Variants in DNER observed in about 807,000 individuals in gnomAD.
DNER encodes the protein delta/notch like EGF repeat containing.
Under a neutral mutation model 78.2 loss-of-function variants are expected in DNER, and 33 were observed. The observed-to-expected ratio is 0.42, with a 90% CI of 0.32 to 0.56. The LOEUF is 0.56. Among genes scored for constraint, DNER ranks in the 20% least tolerant of loss-of-function variants. The probability of loss-of-function intolerance (pLI) is 0.11; values close to 1 mark genes in which losing one functional copy is unlikely to be tolerated. For synonymous variants in DNER, 417 were observed against 384.8 expected (o/e 1.08, Z -0.98); for missense variants, 918 against 975.3 (o/e 0.94, Z 0.78).
chr2:229,471,353 A>T (rs1694921667), intron 7 of DNER, among the ~76,000 whole-genome samples: 1 of 16,162 alleles, frequency 6.2e-5, no homozygotes, highest in Admixed American at 1.0e-3. Flanking sequence ...AGGCTATAAA[A>T]TGAAAAAAAA....
intron 6 of DNER, among the ~76,000 whole-genome samples, chr2:229,492,356 G>T (rs1695418885): frequency 6.6e-6 from 1 of 152,064 alleles, no homozygotes; most frequent in African/African-American, 2.4e-5. Flanking sequence ...AGCCCCAAGG[G>T]GTGCAATGTC....
intron 6 of DNER, among the ~76,000 whole-genome samples, chr2:229,495,639 A>G (rs567949409): frequency 6.6e-6 from 1 of 152,316 alleles, no homozygotes; most frequent in Non-Finnish European, 1.5e-5. Context: ...AGGAAGGGTA[A>G]TATTCTTTAC....
chr2:229,463,806 C>A (rs747276268), intron 7 of DNER, among the ~76,000 whole-genome samples: 4 of 152,152 alleles, frequency 2.6e-5, no homozygotes, highest in Non-Finnish European at 4.4e-5. Context: ...AGGAAGAATC[C>A]TGACTCTCAG....
chr2:229,539,937 G>A (rs1696479779), intron 5 of DNER, among the ~76,000 whole-genome samples: 1 of 152,186 alleles, frequency 6.6e-6, no homozygotes, highest in African/African-American at 2.4e-5. Flanking sequence ...GCTTCTCAGA[G>A]GCTATGTCTT....
intron 1 of DNER, among the ~76,000 whole-genome samples, chr2:229,630,767 A>AT (rs1698421842): frequency 6.6e-6 from 1 of 151,936 alleles, no homozygotes; most frequent in Non-Finnish European, 1.5e-5. Context: ...CCACTAGGTC[A>AT]TTTTTCAACC....
At chr2:229,660,487 G>A (rs1205473154) in intron 1 of DNER, among the ~76,000 whole-genome samples, 1 of 152,112 alleles carries the variant, frequency 6.6e-6, no homozygotes, top group Non-Finnish European at 1.5e-5. Context: ...ATTCCATAGT[G>A]TATATGTGCC....
chr2:229,483,215 A>C (rs1303164862), intron 6 of DNER, among the ~76,000 whole-genome samples: 1 of 152,178 alleles, frequency 6.6e-6, no homozygotes, highest in Admixed American at 6.5e-5. Flanking sequence ...AAACAACCTT[A>C]GTCCTCTGAG....
chr2:229,711,910 T>C (rs1699918199), intron 1 of DNER, among the ~76,000 whole-genome samples: 1 of 152,160 alleles, frequency 6.6e-6, no homozygotes, highest in Non-Finnish European at 1.5e-5. Context: ...TGTTCTTTGC[T>C]GTTCCCATGA....
At position 229,591,762 on chromosome 2, in the gene DNER, C is replaced by A; in HGVS notation, c.403G>T (p.Ala135Ser). ...EGYEGPNCEQ[A>S]LPSLPATGWT... ...CCAGTGGCTGGGAGACTGGGAAGTGCCTGTTCACAGTTGGGACCTTCATAG... is the reference window on the plus strand; with the variant it reads ...CCAGTGGCTGGGAGACTGGGAAGTGACTGTTCACAGTTGGGACCTTCATAG... The change falls in exon 2 of 13, where the codon GCA becomes TCA. Residue 135 changes from alanine to serine, a missense_variant. Transcript: ENST00000341772. This position sits in a 1 kb window ranked among gnomAD's most constrained non-coding sequence, Gnocchi z 4.6. 1 of 1,614,138 alleles carries A rather than the reference C, an allele frequency of 6.2e-7. No homozygotes were observed. Among genetic ancestry groups the A allele is most frequent in the South Asian group, 1.1e-5 (1 of 91,074 alleles).
intron 8 of DNER, among the ~76,000 whole-genome samples, chr2:229,431,587 A>G (rs952092200): frequency 6.9e-6 from 1 of 145,866 alleles, no homozygotes; most frequent in Non-Finnish European, 1.5e-5. Flanking sequence ...TGAAAAAGGA[A>G]AAAAAAAAAG....
chr2:229,710,979 A>ACG (rs750730916), intron 1 of DNER, among the ~76,000 whole-genome samples: 2,089 of 96,532 alleles, frequency 0.022, 31 homozygotes, highest in African/African-American at 0.057. Flanking sequence ...GCATGCATAC[A>ACG]CGCGCACACA....
chr2:229,384,231 T>C (rs1483456676), intron 11 of DNER, among the ~76,000 whole-genome samples: 1 of 152,190 alleles, frequency 6.6e-6, no homozygotes, highest in Non-Finnish European at 1.5e-5. Flanking sequence ...AGACACAATG[T>C]ACCAGAATCT....
intron 1 of DNER, among the ~76,000 whole-genome samples, chr2:229,656,876 A>T (rs1698920916): frequency 1.3e-5 from 2 of 152,194 alleles, no homozygotes; most frequent in South Asian, 4.1e-4. Flanking sequence ...TTAAGAAATT[A>T]AAATTGTATA....
intron 1 of DNER, among the ~76,000 whole-genome samples, chr2:229,627,060 C>T (rs763988751): frequency 2.6e-5 from 4 of 152,158 alleles, no homozygotes; most frequent in Non-Finnish European, 5.9e-5. Flanking sequence ...GTGCATGGTC[C>T]CAATGAATTT....
At chr2:229,641,697 C>T (rs943819567) in intron 1 of DNER, among the ~76,000 whole-genome samples, 4 of 151,932 alleles carry the variant, frequency 2.6e-5, no homozygotes, top group Non-Finnish European at 5.9e-5. Flanking sequence ...TAGATATATG[C>T]TAATGAATAG....
chr2:229,564,382 A>ATCC (rs1697054568), intron 4 of DNER, among the ~76,000 whole-genome samples: 2 of 120,422 alleles, frequency 1.7e-5, no homozygotes, highest in African/African-American at 3.3e-5. Context: ...CATCATCATC[A>ATCC]TCACCCCATC....
At chr2:229,548,913 G>A (rs1048092129) in intron 4 of DNER, among the ~76,000 whole-genome samples, 1 of 151,982 alleles carries the variant, frequency 6.6e-6, no homozygotes, top group African/African-American at 2.4e-5. Flanking sequence ...TATGTACATA[G>A]CTACCATAAA....
intron 7 of DNER, among the ~76,000 whole-genome samples, chr2:229,463,563 C>A (rs1694745437): frequency 6.6e-6 from 1 of 152,106 alleles, no homozygotes; most frequent in Non-Finnish European, 1.5e-5. Flanking sequence ...GCCTCAGCCT[C>A]CCGAGTAGCT....
chr2:229,651,229 G>A (rs963570114), intron 1 of DNER, among the ~76,000 whole-genome samples: 1 of 152,166 alleles, frequency 6.6e-6, no homozygotes, highest in Non-Finnish European at 1.5e-5. Context: ...TCAGCAAGCT[G>A]CCCTGCCGCT....
Sources: allele counts gnomAD v4.1 joint callset (sites outside exome capture counted in the v4.1 genomes callset), GRCh38; gene constraint gnomAD v4.1.1; non-coding constraint Gnocchi (gnomAD v3.1); transcripts MANE v1.5; gene names NCBI Gene and HGNC (gene_info 2026-07-23, HGNC 2026-07-21).